TMTC2: variants seen among roughly 807,000 people sequenced by gnomAD.
TMTC2 encodes transmembrane O-mannosyltransferase targeting cadherins 2, also known as protein O-mannosyl-transferase TMTC2.
In TMTC2, 43 loss-of-function variants were observed where a neutral mutation model predicts 82.4. The observed-to-expected ratio is 0.52, with a 90% CI of 0.41 to 0.67. The LOEUF (loss-of-function observed/expected upper bound fraction) is 0.67, where lower values mean the gene tolerates loss of function less well. Among genes scored for constraint, TMTC2 ranks in the 30% least tolerant of loss-of-function variants. The pLI is 0.00. For synonymous variants in TMTC2, 408 were observed against 381.9 expected (o/e 1.07, Z -0.80); for missense variants, 919 against 1,012.4 (o/e 0.91, Z 1.25).
At chr12:83,130,966 C>T (rs1885240906) in intron 11 of TMTC2, among the ~76,000 whole-genome samples, 1 of 152,174 alleles carries the variant, frequency 6.6e-6, no homozygotes, top group Non-Finnish European at 1.5e-5. Flanking sequence ...CTATTCTACT[C>T]TCCCCTGTAG....
chr12:82,706,892 T>A (rs1309852133), intron 1 of TMTC2, among the ~76,000 whole-genome samples: 1 of 152,084 alleles, frequency 6.6e-6, no homozygotes. Context: ...AGAGGTGAGA[T>A]GTCAGAACAT....
intron 1 of TMTC2, among the ~76,000 whole-genome samples, chr12:82,786,024 T>A (rs1438265008): frequency 6.6e-6 from 1 of 152,114 alleles, no homozygotes; most frequent in Non-Finnish European, 1.5e-5. Flanking sequence ...GTCTTTTAAG[T>A]GTTTTTCATT....
At chr12:82,891,819 T>A (rs776237639) in intron 2 of TMTC2, among the ~76,000 whole-genome samples, 57 of 152,200 alleles carry the variant, frequency 3.7e-4, no homozygotes, top group Non-Finnish European at 7.6e-4. Context: ...TTAGAAACTC[T>A]TCTACTTTAA....
intron 1 of TMTC2, among the ~76,000 whole-genome samples, chr12:82,847,495 C>G (rs577117891): frequency 6.6e-6 from 1 of 152,084 alleles, no homozygotes; most frequent in African/African-American, 2.4e-5. Flanking sequence ...CACATGCACA[C>G]GTATGTTTAT....
At chr12:82,730,623 A>G (rs1050009810) in intron 1 of TMTC2, among the ~76,000 whole-genome samples, 1 of 152,214 alleles carries the variant, frequency 6.6e-6, no homozygotes, top group Non-Finnish European at 1.5e-5. Context: ...GTTGTGTATC[A>G]CATATTTTTA....
At chr12:82,698,235 T>C (rs561401142) in intron 1 of TMTC2, among the ~76,000 whole-genome samples, 2 of 152,320 alleles carry the variant, frequency 1.3e-5, no homozygotes, top group African/African-American at 4.8e-5. Context: ...CTGTATGTAC[T>C]GTGTAGTAGA....
chr12:83,004,722 A>ATTTTTTTTTTT lies in TMTC2; in HGVS notation c.2070+18711_2070+18721dup, dbSNP rs528076999. Among the ~76,000 whole-genome samples, 41 of 36,032 alleles carry ATTTTTTTTTTT rather than the reference A, an allele frequency of 1.1e-3. 11 individuals are homozygous for ATTTTTTTTTTT. The highest frequency in any genetic ancestry group is 1.5e-3 in the Non-Finnish European group (28 of 18,964). 23.6% of individuals were successfully genotyped at this position (36,032 alleles called of 152,430 possible). A position where few individuals can be genotyped will look rare whatever the true frequency, so the allele number is the denominator to read the frequency against. On this transcript the variant is annotated intron_variant, in intron 8 of 11. Transcript: ENST00000321196. ...TTCACAGGCAGTGTATACTGGCCGA[A>ATTTTTTTTTTT]TTTTTTTTTTTTTTTTTTTTTTTTT...
intron 4 of TMTC2, among the ~76,000 whole-genome samples, chr12:82,964,199 C>G (rs78709074): frequency 0.014 from 2,198 of 151,818 alleles, 57 homozygotes; most frequent in African/African-American, 0.05. Flanking sequence ...TGGGGATAGG[C>G]CAAAAAGCCC....
chr12:82,971,972 A>G (rs1244871341), intron 7 of TMTC2, among the ~76,000 whole-genome samples: 2 of 152,156 alleles, frequency 1.3e-5, no homozygotes, highest in Non-Finnish European at 2.9e-5. Flanking sequence ...TTAAATGCCT[A>G]TAAATAAAAT....
chr12:83,124,998 A>C (rs1885061430), intron 11 of TMTC2, among the ~76,000 whole-genome samples: 1 of 152,176 alleles, frequency 6.6e-6, no homozygotes, highest in Non-Finnish European at 1.5e-5. Context: ...GTTCATCTTA[A>C]ATTTTTTTGT....
At chr12:83,084,921 A>G (rs1883600307) in intron 11 of TMTC2, among the ~76,000 whole-genome samples, 1 of 152,222 alleles carries the variant, frequency 6.6e-6, no homozygotes, top group South Asian at 2.1e-4. Context: ...TGAATAACAA[A>G]TTGGCTAAGC....
intron 11 of TMTC2, among the ~76,000 whole-genome samples, chr12:83,106,672 G>A (rs1884412699): frequency 6.6e-6 from 1 of 152,168 alleles, no homozygotes; most frequent in Non-Finnish European, 1.5e-5. Context: ...ACTTGCCTAT[G>A]AAGACATGCA....
intron 7 of TMTC2, among the ~76,000 whole-genome samples, chr12:82,980,289 A>G (rs1267002855): frequency 6.6e-6 from 1 of 151,838 alleles, no homozygotes; most frequent in Non-Finnish European, 1.5e-5. Context: ...TAAAATTGCT[A>G]AAAGTGCTCA....
chr12:82,863,160 C>A (rs1871634647), intron 2 of TMTC2, among the ~76,000 whole-genome samples: 1 of 151,090 alleles, frequency 6.6e-6, no homozygotes, highest in Non-Finnish European at 1.5e-5. Context: ...AAGTTGTGAC[C>A]CCCCCCCAAT....
intron 2 of TMTC2, among the ~76,000 whole-genome samples, chr12:82,864,318 C>T (rs1871704632): frequency 6.6e-6 from 1 of 151,618 alleles, no homozygotes; most frequent in African/African-American, 2.4e-5. Context: ...TGGAAGGAGC[C>T]TAGGGATACG....
chr12:83,108,521 T>G (rs2137542753), intron 11 of TMTC2, among the ~76,000 whole-genome samples: 1 of 152,054 alleles, frequency 6.6e-6, no homozygotes, highest in East Asian at 1.9e-4. Context: ...TCCCGGCTAC[T>G]CGGGAGGCTG....
At chr12:82,875,532 C>T (rs11115468) in intron 2 of TMTC2, among the ~76,000 whole-genome samples, 1 of 152,112 alleles carries the variant, frequency 6.6e-6, no homozygotes, top group African/African-American at 2.4e-5. Context: ...TTTGATCCCA[C>T]TTTGTGTCAG....
At chr12:83,123,831 A>G (rs1885027687) in intron 11 of TMTC2, among the ~76,000 whole-genome samples, 1 of 152,284 alleles carries the variant, frequency 6.6e-6, no homozygotes, top group Non-Finnish European at 1.5e-5. Context: ...CTGGGAGTCT[A>G]AGAGACCTGA....
chr12:82,886,895 G>A (rs1167889835), intron 2 of TMTC2, among the ~76,000 whole-genome samples: 1 of 152,168 alleles, frequency 6.6e-6, no homozygotes, highest in African/African-American at 2.4e-5. Context: ...TTATGCCTTT[G>A]AGGGGAGTAT....
Sources: gnomAD v4.1 joint callset for allele counts (sites outside exome capture counted in the v4.1 genomes callset) on GRCh38, gnomAD v4.1.1 for gene constraint, MANE v1.5 for transcripts, NCBI Gene and HGNC (gene_info 2026-07-23, HGNC 2026-07-21) for gene names.